The following FOXJ3 variants were observed in gnomAD, a reference collection of about 807,000 sequenced individuals.
FOXJ3 encodes forkhead box J3.
A neutral mutation model predicts 76.1 loss-of-function variants in FOXJ3; 22 were observed. The ratio of observed to expected loss-of-function variants is 0.29; its 90% confidence interval spans 0.21 to 0.41. The LOEUF is 0.41. Among genes scored for constraint, FOXJ3 ranks in the 10% least tolerant of loss-of-function variants. The pLI is 1.00. For missense variants in FOXJ3, 613 were observed against 762.1 expected (o/e 0.80, Z 2.30); for synonymous variants, 269 against 261.2 (o/e 1.03, Z -0.29).
At chr1:42,231,117 A>G (rs1648058874) in intron 4 of FOXJ3, among the ~76,000 whole-genome samples, 1 of 151,760 alleles carries the variant, frequency 6.6e-6, no homozygotes, top group East Asian at 1.9e-4. Flanking sequence ...GATCCAGACC[A>G]TCCTGGCTAA....
At chr1:42,325,844 C>A (rs1425588578) in intron 1 of FOXJ3, among the ~76,000 whole-genome samples, 1 of 152,142 alleles carries the variant, frequency 6.6e-6, no homozygotes, top group Non-Finnish European at 1.5e-5. Context: ...AAACCCAAAC[C>A]ACTTAATACA....
Position 42,188,764 on chromosome 1 carries a change from T to C in FOXJ3, c.1618A>G (p.Thr540Ala). 1 of 1,606,908 alleles carries C rather than the reference T, an allele frequency of 6.2e-7. No individual in the cohort carries two copies. The highest frequency in any genetic ancestry group is 8.5e-7 in the Non-Finnish European group (1 of 1,176,124). Residue 540 changes from threonine (T) to alanine (A), a missense_variant, in exon 11 of 13, where the codon ACA becomes GCA. Coordinates refer to ENST00000361346, the MANE Select transcript of FOXJ3 (RefSeq NM_014947.5). ...GTTCCAATGTGTTGGGAAGGTTTTG[T>C]TGGATGCATGGCACCATGACAAACA... ...QNVCHGAMHP[T>A]KPSQHIGTGN... is the part of the protein sequence containing the mutation.
rs542915347 is a variant in FOXJ3, at chr1:42,179,469, C to T, written c.*241G>A. ...CAAATATGCAAAAAGCCGTCCAAAT[C>T]ACACAACAGTTAGGAGCTACATAGG... is the stretch of plus-strand genomic sequence containing the variant. On this transcript the variant is annotated 3_prime_UTR_variant, in exon 13 of 13. Transcript: ENST00000361346. 2 of 282,956 alleles carry T rather than the reference C, an allele frequency of 7.1e-6. No individual in the cohort carries two copies. Among genetic ancestry groups the T allele is most frequent in the South Asian group, 1.8e-4 (2 of 10,842 alleles). The allele number at this position is 282,956 out of a possible 1,614,324, so 17.5% of individuals were successfully genotyped here.
intron 4 of FOXJ3, among the ~76,000 whole-genome samples, chr1:42,239,243 A>C (rs184461341): frequency 2.9e-4 from 44 of 150,730 alleles, no homozygotes; most frequent in Non-Finnish European, 2.4e-4. Context: ...GATGCCTTTT[A>C]TTTCTTTTTC....
intron 1 of FOXJ3, among the ~76,000 whole-genome samples, chr1:42,321,904 C>T (rs1468555296): frequency 6.6e-6 from 1 of 152,124 alleles, no homozygotes; most frequent in Non-Finnish European, 1.5e-5. Context: ...ACTTTATCAT[C>T]AAGGCATGAT....
chr1:42,269,061 G>GC (rs1470890467), intron 3 of FOXJ3, among the ~76,000 whole-genome samples: 2 of 152,038 alleles, frequency 1.3e-5, no homozygotes, highest in Non-Finnish European at 2.9e-5. Flanking sequence ...TTGTTTGTAA[G>GC]CCCCCCACTC....
At chr1:42,308,017 C>T (rs1323824167) in intron 2 of FOXJ3, among the ~76,000 whole-genome samples, 1 of 152,102 alleles carries the variant, frequency 6.6e-6, no homozygotes, top group Non-Finnish European at 1.5e-5. Flanking sequence ...ACTAACTACC[C>T]TCTTCTAACC....
intron 1 of FOXJ3, among the ~76,000 whole-genome samples, chr1:42,319,222 C>CTGTTTTGTTT (rs56158851): frequency 0.017 from 2,601 of 150,706 alleles, 51 homozygotes; most frequent in South Asian, 0.089. Flanking sequence ...CAGCAAGACC[C>CTGTTTTGTTT]TGTTTTGTTT....
chr1:42,255,915 G>A (rs1402419253), intron 4 of FOXJ3, among the ~76,000 whole-genome samples: 3 of 152,258 alleles, frequency 2.0e-5, no homozygotes, highest in African/African-American at 4.8e-5. Flanking sequence ...CCAGCTACTC[G>A]GGAGGCTGAG....
chr1:42,219,613 C>G (rs866980924), intron 5 of FOXJ3, among the ~76,000 whole-genome samples: 1 of 152,160 alleles, frequency 6.6e-6, no homozygotes, highest in Non-Finnish European at 1.5e-5. Flanking sequence ...TAAACAGAAA[C>G]TTTAGGTCTT....
At chr1:42,291,991 G>A (rs1197151402) in intron 2 of FOXJ3, among the ~76,000 whole-genome samples, 2 of 152,060 alleles carry the variant, frequency 1.3e-5, no homozygotes, top group Non-Finnish European at 2.9e-5. Context: ...TCCCGATGCC[G>A]GTGGGAGGAA....
At chr1:42,264,255 G>A (rs1413787529) in intron 4 of FOXJ3, among the ~76,000 whole-genome samples, 1 of 152,008 alleles carries the variant, frequency 6.6e-6, no homozygotes, top group Non-Finnish European at 1.5e-5. Context: ...TTCATGATGA[G>A]TCTTGAATGA....
At chr1:42,243,795 G>A (rs1285522739) in intron 4 of FOXJ3, among the ~76,000 whole-genome samples, 1 of 152,098 alleles carries the variant, frequency 6.6e-6, no homozygotes, top group Non-Finnish European at 1.5e-5. Context: ...AGAAACACTG[G>A]ATTTAAACTG....
At chr1:42,289,532 T>C (rs917783599) in intron 2 of FOXJ3, among the ~76,000 whole-genome samples, 39 of 152,164 alleles carry the variant, frequency 2.6e-4, no homozygotes, top group Admixed American at 1.2e-3. Context: ...AAAGTCTCCA[T>C]AGTGTACAAC....
chr1:42,218,811 A>T (rs1243541417), intron 5 of FOXJ3, among the ~76,000 whole-genome samples: 1 of 152,112 alleles, frequency 6.6e-6, no homozygotes. Context: ...CTTACTTCTC[A>T]AATGTGAAGT....
intron 2 of FOXJ3, among the ~76,000 whole-genome samples, chr1:42,281,227 C>T (rs1652685101): frequency 6.6e-6 from 1 of 152,088 alleles, no homozygotes; most frequent in Non-Finnish European, 1.5e-5. Context: ...TAAAAATACA[C>T]ACATACCTGT....
At chr1:42,300,532 T>C (rs1207915696) in intron 2 of FOXJ3, among the ~76,000 whole-genome samples, 3 of 152,138 alleles carry the variant, frequency 2.0e-5, no homozygotes, top group Non-Finnish European at 2.9e-5. Flanking sequence ...TCCCAGTATG[T>C]TGAGAGGCCA....
At chr1:42,335,017 GCCCGCCGCCCAGGC>G (rs1656397234) in intron 1 of FOXJ3, 28 bp downstream of exon 1, 1 of 152,268 alleles carries the variant, frequency 6.6e-6, no homozygotes, top group East Asian at 1.9e-4. Flanking sequence ...CCGCCTCCTC[GCCCGCCGCCCAGGC>G]CCGGCCGCCC....
chr1:42,289,118 G>A (rs1159062343), intron 2 of FOXJ3, among the ~76,000 whole-genome samples: 4 of 151,728 alleles, frequency 2.6e-5, no homozygotes, highest in South Asian at 2.1e-4. Flanking sequence ...TTTAAGGGAC[G>A]AAAAATAAGC....
Sources: gnomAD v4.1 joint callset for allele counts (sites outside exome capture counted in the v4.1 genomes callset) on GRCh38, gnomAD v4.1.1 for gene constraint, MANE v1.5 for transcripts, NCBI Gene and HGNC (gene_info 2026-07-23, HGNC 2026-07-21) for gene names.